Variants in LRRC42 observed in about 807,000 individuals in gnomAD.
LRRC42 encodes leucine rich repeat containing 42.
Under a neutral mutation model 44.3 loss-of-function variants are expected in LRRC42, and 43 were observed. The ratio of observed to expected loss-of-function variants is 0.97; its 90% CI spans 0.76 to 1.25. LRRC42 has a LOEUF of 1.25. Ranked by LOEUF, LRRC42 falls within the 50% of genes most tolerant of loss-of-function variation. The pLI, the probability that LRRC42 is intolerant of heterozygous loss-of-function variation, is 0.00. For missense variants in LRRC42, 540 were observed against 509.1 expected, an observed-to-expected ratio of 1.06 and a Z score of -0.58; for synonymous variants, 207 against 195.2, an observed-to-expected ratio of 1.06 and a Z score of -0.50.
chr1:53,956,031 T>C (rs1458452251), intron 3 of LRRC42, among the ~76,000 whole-genome samples: 1 of 152,244 alleles, frequency 6.6e-6, no homozygotes, highest in Non-Finnish European at 1.5e-5. Flanking sequence ...CTTCTCCTTT[T>C]GAATCCTTAA....
intron 1 of LRRC42, among the ~76,000 whole-genome samples, chr1:53,947,508 C>G (rs985290136): frequency 1.1e-4 from 16 of 152,056 alleles, no homozygotes; most frequent in Admixed American, 1.0e-3. Flanking sequence ...TTAGAACTAC[C>G]CATAGTTTAG....
intron 1 of LRRC42, among the ~76,000 whole-genome samples, chr1:53,946,881 C>G (rs1654494506): frequency 7.7e-6 from 1 of 130,432 alleles, no homozygotes; most frequent in African/African-American, 3.0e-5. Context: ...TTTAGGGGTT[C>G]AAGGAGGAAA....
At chr1:53,962,934 T>C (rs1187028084) in intron 7 of LRRC42, among the ~76,000 whole-genome samples, 3 of 152,194 alleles carry the variant, frequency 2.0e-5, no homozygotes, top group Admixed American at 2.0e-4. Flanking sequence ...CCTTTTGTCT[T>C]GATGGTCTTT....
rs1190915357 is a variant in LRRC42, at chr1:53,952,375, C to T, written c.376C>T (p.Gln126Ter). 1 of 1,613,924 alleles carries T rather than the reference C, an allele frequency of 6.2e-7. No homozygotes were observed. Among genetic ancestry groups the T allele is most frequent in the African/African-American group, 1.3e-5 (1 of 74,934 alleles). ...EKLFSAAEAR[Q>*]KFTEPGAGLR... Reference sequence around the variant, plus strand: ...GCTGTTCTCTGCTGCTGAAGCCAGACAGAAATTCACTGAGCCAGGTGCAGG... The same window carrying T: ...GCTGTTCTCTGCTGCTGAAGCCAGATAGAAATTCACTGAGCCAGGTGCAGG... Residue 126 changes from glutamine to a stop codon, truncating the protein, a stop_gained, in exon 3 of 9, where the codon CAG becomes TAG. Transcript: ENST00000371370. LOFTEE classifies it high-confidence loss of function.
Position 53,967,745 on chromosome 1 carries a change from T to C in LRRC42, c.1093T>C (p.Phe365Leu), listed in dbSNP as rs757870981. The C allele has an allele frequency of 1.2e-6, 2 of 1,614,066 alleles. No homozygotes were observed. The highest frequency in any genetic ancestry group is 1.7e-6 in the Non-Finnish European group (2 of 1,180,002). Residue 365 changes from phenylalanine (F) to leucine (L), a missense_variant, in exon 9 of 9, where the codon TTC becomes CTC. Physicochemically the swap from Phe to Leu is conservative, Grantham distance 22. Transcript: ENST00000371370. ...THMNSSEKLQ[F>L]YKEKAPDCHG... Reference sequence around the variant, plus strand: ...CATGAACTCTTCCGAGAAACTCCAGTTCTATAAAGAGAAAGCCCCAGATTG... The same window carrying C: ...CATGAACTCTTCCGAGAAACTCCAGCTCTATAAAGAGAAAGCCCCAGATTG...
chr1:53,951,572 G>A (rs1359521628), intron 2 of LRRC42, among the ~76,000 whole-genome samples: 8 of 152,136 alleles, frequency 5.3e-5, no homozygotes, highest in Non-Finnish European at 1.0e-4. Flanking sequence ...CTACAGGCAC[G>A]CACTACCACG....
intron 2 of LRRC42, among the ~76,000 whole-genome samples, chr1:53,951,745 A>G (rs542986212): frequency 6.6e-6 from 1 of 152,312 alleles, no homozygotes; most frequent in South Asian, 2.1e-4. Flanking sequence ...TTTTGAAAGA[A>G]GAGTGGGAGA....
At chr1:53,954,137 G>A (rs937615854) in intron 3 of LRRC42, among the ~76,000 whole-genome samples, 17 of 152,202 alleles carry the variant, frequency 1.1e-4, no homozygotes, top group African/African-American at 3.4e-4. Flanking sequence ...AGGTAAGCTC[G>A]TATGCTTAAT....
In LRRC42 at chr1:53,960,390, T is replaced by G; in HGVS notation, c.640T>G (p.Ser214Ala). 1 of 1,613,952 alleles carries G rather than the reference T, an allele frequency of 6.2e-7. No homozygotes were observed. Among genetic ancestry groups the G allele is most frequent in the African/African-American group, 1.3e-5 (1 of 75,040 alleles). ...GCTCCACCTGAAGGATAATTGTTTA[T>G]CTGATGCTGGGGTGCGGAAGATGAC... Reference protein sequence around the residue: ...TQLHLKDNCLSDAGVRKMTAP... With the variant: ...TQLHLKDNCLADAGVRKMTAP... The change falls in exon 5 of 9, where the codon TCT (serine) becomes GCT (alanine). Residue 214 changes from serine (S) to alanine (A), a missense_variant. Ser to Ala is a moderately conservative substitution (Grantham distance 99). Transcript: ENST00000371370.
chr1:53,965,193 A>G (rs1480534566), intron 7 of LRRC42, among the ~76,000 whole-genome samples: 1 of 150,894 alleles, frequency 6.6e-6, no homozygotes, highest in Non-Finnish European at 1.5e-5. Flanking sequence ...GGGTTTGACC[A>G]TGTTGGCCAG....
At chr1:53,959,496 C>T (rs141588994) in intron 4 of LRRC42, among the ~76,000 whole-genome samples, 6 of 152,306 alleles carry the variant, frequency 3.9e-5, no homozygotes, top group African/African-American at 1.2e-4. Context: ...CCTACTGCCC[C>T]ATAAAAAGAT....
intron 3 of LRRC42, 60 bp downstream of exon 3, chr1:53,952,532 T>A: frequency 7.2e-7 from 1 of 1,387,942 alleles, no homozygotes; most frequent in South Asian, 1.4e-5. Flanking sequence ...TGTCAAGCTC[T>A]GGGGCTTAGT....
chr1:53,946,629 CGGGGT>C (rs1014481757), intron 1 of LRRC42, 80 bp downstream of exon 1: 1 of 28,812 alleles, frequency 3.5e-5, no homozygotes, highest in Non-Finnish European at 8.6e-5. Flanking sequence ...TAGGGAGGGG[CGGGGT>C]GGGGGAGGGG....
intron 3 of LRRC42, among the ~76,000 whole-genome samples, chr1:53,955,628 CT>C (rs1291926537): frequency 2.6e-3 from 345 of 133,396 alleles, no homozygotes; most frequent in East Asian, 3.5e-3. Flanking sequence ...TTAACATAAT[CT>C]TTTTTTTTTT....
chr1:53,955,055 T>C (rs1654792178), intron 3 of LRRC42, among the ~76,000 whole-genome samples: 1 of 152,190 alleles, frequency 6.6e-6, no homozygotes, highest in East Asian at 1.9e-4. Flanking sequence ...TATATTTATA[T>C]GATGAAATAT....
chr1:53,959,699 TAGG>T (rs1055448443), intron 4 of LRRC42, among the ~76,000 whole-genome samples: 1 of 152,248 alleles, frequency 6.6e-6, no homozygotes, highest in African/African-American at 2.4e-5. Flanking sequence ...ATAATTCTCA[TAGG>T]AGTTCTTTAG....
At chr1:53,955,156 C>T (rs188119978) in intron 3 of LRRC42, among the ~76,000 whole-genome samples, 321 of 152,058 alleles carry the variant, frequency 2.1e-3, no homozygotes, top group African/African-American at 7.1e-3. Context: ...TACCAAAAAG[C>T]GGTCTAGATG....
At chr1:53,966,995 TAA>T (rs1655143877) in intron 8 of LRRC42, among the ~76,000 whole-genome samples, 1 of 152,088 alleles carries the variant, frequency 6.6e-6, no homozygotes, top group South Asian at 2.1e-4. Context: ...TTGTACAAGA[TAA>T]AAAGAGTTCT....
intron 3 of LRRC42, among the ~76,000 whole-genome samples, chr1:53,955,101 T>C (rs1233572305): frequency 6.6e-6 from 1 of 152,114 alleles, no homozygotes; most frequent in Non-Finnish European, 1.5e-5. Context: ...AAGAAACAGA[T>C]TTTTTAAATG....
Sources: gnomAD v4.1 joint callset for allele counts (sites outside exome capture counted in the v4.1 genomes callset) on GRCh38, gnomAD v4.1.1 for gene constraint, MANE v1.5 for transcripts, NCBI Gene and HGNC (gene_info 2026-07-23, HGNC 2026-07-21) for gene names.